SH3D19: variants seen among roughly 807,000 people sequenced by gnomAD.
The protein encoded by SH3D19 is SH3 domain-containing protein 19.
Under a neutral mutation model 112.1 loss-of-function variants are expected in SH3D19, and 58 were observed. The observed-to-expected ratio is 0.52, with a 90% CI of 0.42 to 0.64. The LOEUF (loss-of-function observed/expected upper bound fraction) is 0.64. Among genes scored for constraint, SH3D19 ranks in the 30% least tolerant of loss-of-function variants. SH3D19 has a pLI of 0.00. For synonymous variants in SH3D19, 391 were observed against 448.5 expected (o/e 0.87, Z 1.62); for missense variants, 1,090 against 1,263.4 (o/e 0.86, Z 2.08).
At chr4:151,124,334 C>T (rs1031274460) in intron 19 of SH3D19, among the ~76,000 whole-genome samples, 4 of 151,952 alleles carry the variant, frequency 2.6e-5, no homozygotes, top group Admixed American at 1.3e-4. Context: ...CTTGAACTCC[C>T]GACCTCAGGT....
chr4:151,173,099 T>C (rs1231935194), intron 7 of SH3D19, among the ~76,000 whole-genome samples: 1 of 152,230 alleles, frequency 6.6e-6, no homozygotes, highest in Admixed American at 6.5e-5. Context: ...AAGATGACTA[T>C]AATTATCTGC....
intron 1 of SH3D19, among the ~76,000 whole-genome samples, chr4:151,257,642 T>A (rs555968601): frequency 1.5e-4 from 23 of 152,142 alleles, no homozygotes; most frequent in African/African-American, 5.3e-4. Flanking sequence ...CGTGGCTGGG[T>A]GCGGTGGCTC....
intron 2 of SH3D19, among the ~76,000 whole-genome samples, chr4:151,192,307 T>C (rs1291340844): frequency 6.6e-6 from 1 of 152,176 alleles, no homozygotes; most frequent in Non-Finnish European, 1.5e-5. Flanking sequence ...ACTTACTTGC[T>C]GGAATTGTTT....
chr4:151,155,868 G>A (rs1004931813), intron 9 of SH3D19, among the ~76,000 whole-genome samples: 5 of 152,194 alleles, frequency 3.3e-5, no homozygotes, highest in African/African-American at 9.6e-5. Context: ...CAACCTGGGC[G>A]ACAGAGCGAG....
intron 1 of SH3D19, among the ~76,000 whole-genome samples, chr4:151,324,572 A>G (rs1352069325): frequency 1.5e-4 from 23 of 152,160 alleles, no homozygotes; most frequent in Non-Finnish European, 1.5e-5. Context: ...CTCTTTCACT[A>G]ATGTGCCAAA....
chr4:151,184,366 A>G (rs1761406184), intron 3 of SH3D19, among the ~76,000 whole-genome samples: 3 of 152,206 alleles, frequency 2.0e-5, no homozygotes, highest in African/African-American at 7.2e-5. Flanking sequence ...ATAGGCAAAA[A>G]GAAGAAAACA....
At chr4:151,283,798 C>T (rs1774481308) in intron 1 of SH3D19, among the ~76,000 whole-genome samples, 1 of 152,072 alleles carries the variant, frequency 6.6e-6, no homozygotes, top group African/African-American at 2.4e-5. Flanking sequence ...TTTTATAGAC[C>T]TGTATATTTT....
intron 17 of SH3D19, among the ~76,000 whole-genome samples, chr4:151,129,066 A>C (rs1176704674): frequency 6.6e-6 from 1 of 152,246 alleles, no homozygotes; most frequent in East Asian, 1.9e-4. Flanking sequence ...TTATCAGTGA[A>C]GCTCTTCTTT....
chr4:151,251,201 T>TC (rs1243376268), intron 1 of SH3D19, among the ~76,000 whole-genome samples: 1 of 150,064 alleles, frequency 6.7e-6, no homozygotes, highest in Non-Finnish European at 1.5e-5. Flanking sequence ...TTTTTTCCTT[T>TC]TTTTTTTTTT....
chr4:151,144,174 TA>T (rs746491847), intron 11 of SH3D19, 124 bp from the exon 12 acceptor site: 7 of 1,597,928 alleles, frequency 4.4e-6, no homozygotes, highest in Non-Finnish European at 8.6e-7. Context: ...CAGAGGCCAG[TA>T]ATTTTTTTTT....
chr4:151,132,750 C>T (rs1415350193), intron 16 of SH3D19, among the ~76,000 whole-genome samples: 5 of 152,160 alleles, frequency 3.3e-5, no homozygotes, highest in South Asian at 2.1e-4. Context: ...ATCCGCCCAC[C>T]GTGGCCTCTC....
At chr4:151,163,268 T>A (rs1440334773) in intron 8 of SH3D19, among the ~76,000 whole-genome samples, 1 of 152,258 alleles carries the variant, frequency 6.6e-6, no homozygotes. Context: ...ATAATAGCCA[T>A]ACATACAACT....
intron 2 of SH3D19, among the ~76,000 whole-genome samples, chr4:151,195,923 TAA>T (rs564812901): frequency 2.3e-5 from 3 of 127,760 alleles, no homozygotes; most frequent in Non-Finnish European, 1.7e-5. Flanking sequence ...GAGAAGTTCT[TAA>T]AAAAAAAAAA....
At chr4:151,137,487 T>C (rs1231186307) in intron 14 of SH3D19, among the ~76,000 whole-genome samples, 3 of 152,248 alleles carry the variant, frequency 2.0e-5, no homozygotes, top group Admixed American at 6.5e-5. Context: ...GATTCACCAG[T>C]TGACCTGTGG....
At position 151,311,048 on chromosome 4, in the gene SH3D19, C is replaced by G. The variant is rs193094914; in HGVS notation, c.112+14193G>C. ...CACTTAGGTTGCTTATGTATCTTGG[C>G]TATTGTGAATAATGCTGCAGTGAAC... On this transcript the variant is annotated intron_variant, in intron 1 of 19. Coordinates refer to ENST00000604030, the MANE Select transcript of SH3D19 (RefSeq NM_001378122.1). Among the ~76,000 whole-genome samples, 12 of 147,722 alleles carry G rather than the reference C, an allele frequency of 8.1e-5. No homozygotes were observed. In the East Asian group the frequency reaches 2.2e-3, roughly 27 times the overall value.
At chr4:151,290,918 A>C (rs1021417767) in intron 1 of SH3D19, among the ~76,000 whole-genome samples, 1 of 152,214 alleles carries the variant, frequency 6.6e-6, no homozygotes, top group African/African-American at 2.4e-5. Context: ...ATATTTCACT[A>C]AGGTCTCTGA....
At chr4:151,173,289 A>G (rs1394615179) in intron 7 of SH3D19, among the ~76,000 whole-genome samples, 1 of 152,256 alleles carries the variant, frequency 6.6e-6, no homozygotes, top group Admixed American at 6.5e-5. Context: ...GTATTATCAA[A>G]GACTTGAAAA....
intron 1 of SH3D19, among the ~76,000 whole-genome samples, chr4:151,316,762 GAAGGTGAGGCCAA>G (rs1730029621): frequency 6.6e-6 from 1 of 151,964 alleles, no homozygotes. Flanking sequence ...TACAGTTCCT[GAAGGTGAGGCCAA>G]CAGCTGCTGA....
At chr4:151,136,282 G>A (rs1751832439) in intron 14 of SH3D19, among the ~76,000 whole-genome samples, 1 of 151,666 alleles carries the variant, frequency 6.6e-6, no homozygotes, top group South Asian at 2.1e-4. Context: ...CAAGTAGCTG[G>A]GACTACACAC....
Sources: gnomAD v4.1 joint callset for allele counts (sites outside exome capture counted in the v4.1 genomes callset) on GRCh38, gnomAD v4.1.1 for gene constraint, MANE v1.5 for transcripts, NCBI Gene and HGNC (gene_info 2026-07-23, HGNC 2026-07-21) for gene names.